Variants in BICRA observed in about 807,000 individuals in gnomAD.
The protein encoded by BICRA is BRD4 interacting chromatin remodeling complex associated protein.
BICRA carries 31 observed loss-of-function variants against 96.9 expected under a neutral mutation model. The ratio of observed to expected loss-of-function variants is 0.32; its 90% CI spans 0.24 to 0.43. The LOEUF (loss-of-function observed/expected upper bound fraction) is 0.43. BICRA is among the 20% of genes least tolerant of loss of function. The pLI, the probability that BICRA is intolerant of heterozygous loss-of-function variation, is 1.00. For synonymous variants in BICRA, 1,350 were observed against 1,071.8 expected, an observed-to-expected ratio of 1.26 and a Z score of -5.07; for missense variants, 2,283 against 2,190.3, an observed-to-expected ratio of 1.04 and a Z score of -0.84.
At chr19:47,679,070 T>C in intron 5 of BICRA, 1 of 349,426 alleles carries the variant, frequency 2.9e-6, no homozygotes, top group Non-Finnish European at 5.1e-6. Context: ...CTGACTAATT[T>C]TTCTTTTTTA....
At chr19:47,642,470 G>A (rs1444466192) in intron 1 of BICRA, among the ~76,000 whole-genome samples, 1 of 152,170 alleles carries the variant, frequency 6.6e-6, no homozygotes, top group Non-Finnish European at 1.5e-5. Flanking sequence ...GGAGACTGAG[G>A]CGAGAGGACT....
intron 1 of BICRA, among the ~76,000 whole-genome samples, chr19:47,658,684 A>G (rs1972658360): frequency 6.6e-6 from 1 of 151,246 alleles, no homozygotes; most frequent in Non-Finnish European, 1.5e-5. Flanking sequence ...AGTGGTTCGC[A>G]GAGTGTGGTC....
intron 1 of BICRA, among the ~76,000 whole-genome samples, chr19:47,643,993 C>G (rs1425689888): frequency 6.6e-6 from 1 of 152,070 alleles, no homozygotes; most frequent in African/African-American, 2.4e-5. Context: ...ATAGAGAGAC[C>G]TTTACCTACA....
intron 1 of BICRA, among the ~76,000 whole-genome samples, chr19:47,666,950 C>T (rs1972787612): frequency 6.6e-6 from 1 of 152,068 alleles, no homozygotes; most frequent in Non-Finnish European, 1.5e-5. Flanking sequence ...TCTGAACACT[C>T]ACATAACCAC....
At chr19:47,687,531 T>G (rs995127062) in intron 7 of BICRA, among the ~76,000 whole-genome samples, 2 of 152,154 alleles carry the variant, frequency 1.3e-5, no homozygotes, top group Non-Finnish European at 2.9e-5. Flanking sequence ...GCGTGTTGGC[T>G]CACACCTGTA....
intron 5 of BICRA, 116 bp downstream of exon 5, chr19:47,676,032 A>T: frequency 1.9e-4 from 47 of 246,386 alleles, no homozygotes; most frequent in Non-Finnish European, 2.5e-4. Flanking sequence ...TGACAGGAGG[A>T]GGGCGGGGGT....
chr19:47,623,502 C>T (rs1480716035), intron 1 of BICRA, among the ~76,000 whole-genome samples: 1 of 152,188 alleles, frequency 6.6e-6, no homozygotes, highest in African/African-American at 2.4e-5. Flanking sequence ...GATTTTCGTC[C>T]TCCTGGTTAA....
rs868502822 is a variant in BICRA, at chr19:47,679,568, C to T, written c.398C>T (p.Thr133Ile). The T allele has an allele frequency of 2.6e-6, 4 of 1,544,546 alleles. No homozygotes were observed. In the African/African-American group the frequency reaches 5.5e-5, roughly 21 times the overall value. Reference sequence around the variant, plus strand: ...GACCTGGGTCCCTTCCAGCTGCCCACCCTGCAGCCTGCGGATGGCGGGGCA... The same window carrying T: ...GACCTGGGTCCCTTCCAGCTGCCCATCCTGCAGCCTGCGGATGGCGGGGCA... ...ELDLGPFQLP[T>I]LQPADGGAGP... Residue 133 changes from threonine (T) to isoleucine (I), a missense_variant, in exon 6 of 15, where the codon ACC (threonine) becomes ATC (isoleucine). By Grantham distance (89) the Thr-to-Ile change is moderately conservative. Transcript: ENST00000594866.
At chr19:47,613,294 A>C (rs957042661) in intron 1 of BICRA, among the ~76,000 whole-genome samples, 1 of 152,004 alleles carries the variant, frequency 6.6e-6, no homozygotes, top group African/African-American at 2.4e-5. Flanking sequence ...GCCAGCTCTC[A>C]ACCCCCACCC....
chr19:47,618,842 T>C (rs1972020572), intron 1 of BICRA, among the ~76,000 whole-genome samples: 1 of 152,214 alleles, frequency 6.6e-6, no homozygotes. Flanking sequence ...TGGCCCAGTG[T>C]CCAGGGACAC....
At chr19:47,673,881 C>T (rs1163390212) in intron 4 of BICRA, 119 bp downstream of exon 4, 1 of 887,666 alleles carries the variant, frequency 1.1e-6, no homozygotes, top group Non-Finnish European at 1.9e-6. Context: ...GCTTCTAACG[C>T]CAGGCACTGG....
intron 1 of BICRA, among the ~76,000 whole-genome samples, chr19:47,638,715 G>A (rs1344061325): frequency 1.3e-5 from 2 of 152,036 alleles, no homozygotes; most frequent in Non-Finnish European, 2.9e-5. Context: ...GAGTGCAGTG[G>A]TGCAATCTCG....
chr19:47,672,128 GTAGA>G (rs140470007), intron 2 of BICRA, among the ~76,000 whole-genome samples: 26,655 of 128,298 alleles, frequency 0.21, 3,904 homozygotes, highest in East Asian at 0.35. Flanking sequence ...GGATGGGTAG[GTAGA>G]TGGATGGAAG....
At chr19:47,668,897 A>G (rs1274660792) in intron 1 of BICRA, among the ~76,000 whole-genome samples, 1 of 151,292 alleles carries the variant, frequency 6.6e-6, no homozygotes, top group Non-Finnish European at 1.5e-5. Context: ...AGGTGGGTGG[A>G]TCACTTGAAG....
intron 6 of BICRA, 117 bp downstream of exon 6, chr19:47,681,393 G>T (rs1973057042): frequency 1.2e-6 from 1 of 855,568 alleles, no homozygotes; most frequent in Non-Finnish European, 1.8e-6. Flanking sequence ...GCTGGGGGGG[G>T]AAGGTCTCAG....
intron 11 of BICRA, 32 bp downstream of exon 11, chr19:47,696,544 C>T (rs1224633341): frequency 1.9e-6 from 3 of 1,568,852 alleles, no homozygotes. Context: ...GCATGCCTGC[C>T]CTGTACCTTC....
At chr19:47,629,727 G>A (rs73043782) in intron 1 of BICRA, among the ~76,000 whole-genome samples, 41,315 of 151,968 alleles carry the variant, frequency 0.27, 5,942 homozygotes, top group Non-Finnish European at 0.32. Context: ...GTGCGATCTC[G>A]ACTCACTGCA....
intron 1 of BICRA, among the ~76,000 whole-genome samples, chr19:47,651,571 G>T (rs572594584): frequency 1.3e-5 from 2 of 152,254 alleles, no homozygotes; most frequent in Admixed American, 1.3e-4. Flanking sequence ...GAGCAGGGAT[G>T]ACTTCCTCAC....
Position 47,701,553 on chromosome 19 carries a change from C to G in BICRA, c.3821C>G (p.Ser1274Cys), listed in dbSNP as rs774574830. Residue 1274 changes from serine to cysteine, a missense_variant, in exon 15 of 15, where the codon TCC becomes TGC. Coordinates refer to ENST00000594866, the MANE Select transcript of BICRA (RefSeq NM_001394372.1). This position sits in a 1 kb window ranked among gnomAD's most constrained non-coding sequence, Gnocchi z 5.4. ...TCCTCCCTGTCCTCCTCTTCCTCCT[C>G]CTCCTCTGCCGCCTCCTCCTTGGAC... ...ASSSLSSSSS[S>C]SSAASSLDAD... 1.1e-5 allele frequency: 17 copies of G among 1,550,996 alleles called. No individual in the cohort carries two copies. The highest frequency in any genetic ancestry group is 1.4e-5 in the Non-Finnish European group (16 of 1,148,014).
Sources: gnomAD v4.1 joint callset for allele counts (sites outside exome capture counted in the v4.1 genomes callset) on GRCh38, gnomAD v4.1.1 for gene constraint, Gnocchi (gnomAD v3.1) non-coding constraint, MANE v1.5 for transcripts, NCBI Gene and HGNC (gene_info 2026-07-23, HGNC 2026-07-21) for gene names.